NDUFAF6: variants seen among roughly 807,000 people sequenced by gnomAD.
The protein encoded by NDUFAF6 is NADH dehydrogenase (ubiquinone) complex I, assembly factor 6.
NDUFAF6 carries 45 observed loss-of-function variants against 40.8 expected under a neutral mutation model. The ratio of observed to expected loss-of-function variants is 1.10; its 90% confidence interval spans 0.87 to 1.42. The LOEUF (loss-of-function observed/expected upper bound fraction) is 1.42. Among genes scored for constraint, NDUFAF6 ranks in the 40% most tolerant of loss-of-function variants. The pLI, the probability that NDUFAF6 is intolerant of heterozygous loss-of-function variation, is 0.00. For missense variants in NDUFAF6, 435 were observed against 418.5 expected (o/e 1.04, Z -0.34); for synonymous variants, 185 against 155.9 (o/e 1.19, Z -1.39).
intron 1 of NDUFAF6, among the ~76,000 whole-genome samples, chr8:94,976,638 C>T (rs1033569241): frequency 6.6e-6 from 1 of 151,088 alleles, no homozygotes; most frequent in African/African-American, 2.4e-5. Flanking sequence ...CACACCACTG[C>T]ACTCCAACTT....
intron 2 of NDUFAF6, among the ~76,000 whole-genome samples, chr8:94,985,869 TC>T (rs1380433607): frequency 2.7e-5 from 4 of 149,236 alleles, no homozygotes; most frequent in African/African-American, 9.8e-5. Flanking sequence ...ACAATTTTTT[TC>T]TTCCTTTCTT....
chr8:95,117,193 A>G (rs979091146), downstream of NDUFAF6, among the ~76,000 whole-genome samples: 8 of 152,186 alleles, frequency 5.3e-5, no homozygotes, highest in Non-Finnish European at 1.2e-4. Flanking sequence ...GTGGGTTTGA[A>G]TGGTTATGCA....
intron 1 of NDUFAF6, among the ~76,000 whole-genome samples, chr8:94,972,150 C>T (rs1026906983): frequency 2.6e-5 from 4 of 152,222 alleles, no homozygotes; most frequent in Non-Finnish European, 5.9e-5. Context: ...TAGAAAGCTA[C>T]TTTCTGAAAA....
intron 2 of NDUFAF6, among the ~76,000 whole-genome samples, chr8:95,004,721 GAC>G (rs1346152570): frequency 6.6e-6 from 1 of 152,094 alleles, no homozygotes; most frequent in African/African-American, 2.4e-5. Context: ...TAATAACAGA[GAC>G]AAACAAAGGT....
chr8:95,075,132 A>G (rs1056169752), intron 9 of NDUFAF6, among the ~76,000 whole-genome samples: 2 of 152,220 alleles, frequency 1.3e-5, no homozygotes, highest in African/African-American at 4.8e-5. Context: ...ATGTGGGTCA[A>G]CAGACAAATG....
At chr8:94,963,855 A>G (rs11780130) in intron 1 of NDUFAF6, among the ~76,000 whole-genome samples, 19,737 of 152,262 alleles carry the variant, frequency 0.13, 1,634 homozygotes, top group Middle Eastern at 0.23. Context: ...CCTGCTTCTC[A>G]AGCAGTTAAG....
chr8:94,935,375 G>C (rs189726498), intron 1 of NDUFAF6, among the ~76,000 whole-genome samples: 2 of 152,298 alleles, frequency 1.3e-5, no homozygotes, highest in African/African-American at 4.8e-5. Flanking sequence ...AATTAACTGG[G>C]TAATGGGGTT....
intron 7 of NDUFAF6, 28 bp downstream of exon 7, chr8:95,048,586 T>C: frequency 6.8e-7 from 1 of 1,463,972 alleles, no homozygotes; most frequent in Non-Finnish European, 9.6e-7. Context: ...TGCCAAATCA[T>C]TTAGGGAATA....
At chr8:95,003,919 C>G (rs1361057777) in intron 2 of NDUFAF6, among the ~76,000 whole-genome samples, 3 of 152,214 alleles carry the variant, frequency 2.0e-5, no homozygotes, top group African/African-American at 7.2e-5. Context: ...TCCCAGCAGC[C>G]TCCTCCAAGC....
intron 2 of NDUFAF6, among the ~76,000 whole-genome samples, chr8:94,997,343 C>CACAGAGAGAG (rs1242904810): frequency 7.7e-5 from 7 of 90,572 alleles, no homozygotes; most frequent in South Asian, 9.5e-4. Context: ...CACACACACA[C>CACAGAGAGAG]AGAGAGAGAG....
chr8:94,972,166 A>G (rs535170660), intron 1 of NDUFAF6, among the ~76,000 whole-genome samples: 2 of 152,324 alleles, frequency 1.3e-5, no homozygotes, highest in African/African-American at 4.8e-5. Flanking sequence ...GAAAAGTCCA[A>G]CCAGGTTATT....
intron 9 of NDUFAF6, chr8:95,072,144 GTTTCC>G (rs948279993): frequency 6.6e-6 from 1 of 152,214 alleles, no homozygotes; most frequent in African/African-American, 2.4e-5. Flanking sequence ...TAAAATGTTA[GTTTCC>G]TTTCCTTCTG....
In NDUFAF6 at chr8:95,046,879, T is replaced by C. The variant is rs972538051; in HGVS notation, c.581-115T>C. The C allele has an allele frequency of 1.3e-5, 18 of 1,426,826 alleles. No individual in the cohort carries two copies. The African/African-American group carries it at 2.3e-4, about 18-fold the overall frequency. The allele number at this position is 1,426,826 out of a possible 1,614,324, so 88.4% of individuals were successfully genotyped here. A position where few individuals can be genotyped will look rare whatever the true frequency, so the allele number is the denominator to read the frequency against. ...TCACTCATAAATCCTGTTTTTCAGA[T>C]GTAAAACAGGATAAATGTCTCCTTT... On this transcript the variant is annotated intron_variant, in intron 5 of 8. Coordinates refer to ENST00000396124, the MANE Select transcript of NDUFAF6 (RefSeq NM_152416.4).
At chr8:94,974,714 T>C (rs1375428716) in intron 1 of NDUFAF6, 1 of 169,054 alleles carries the variant, frequency 5.9e-6, no homozygotes, top group Middle Eastern at 2.9e-3. Flanking sequence ...ATAGGAGAGA[T>C]GCTAAGGAAC....
chr8:94,944,834 G>A (rs1195598090), intron 1 of NDUFAF6, among the ~76,000 whole-genome samples: 1 of 152,106 alleles, frequency 6.6e-6, no homozygotes, highest in Non-Finnish European at 1.5e-5. Flanking sequence ...TGGGGAGACT[G>A]CGCTGAATCA....
intron 1 of NDUFAF6, among the ~76,000 whole-genome samples, chr8:94,912,301 A>G (rs1028150124): frequency 1.3e-5 from 2 of 152,238 alleles, no homozygotes; most frequent in Non-Finnish European, 2.9e-5. Flanking sequence ...AAGGTCCACT[A>G]TCATCCATCT....
At chr8:94,984,496 T>G (rs939068388) in intron 2 of NDUFAF6, among the ~76,000 whole-genome samples, 1 of 152,214 alleles carries the variant, frequency 6.6e-6, no homozygotes, top group Non-Finnish European at 1.5e-5. Context: ...CCCAATACCC[T>G]ATTATGTGAA....
intron 1 of NDUFAF6, among the ~76,000 whole-genome samples, chr8:94,896,160 G>C (rs2131139843): frequency 6.6e-6 from 1 of 152,076 alleles, no homozygotes; most frequent in Admixed American, 6.5e-5. Flanking sequence ...AGCGGGGCCC[G>C]GGAACGGCAT....
rs181203505 is a variant in NDUFAF6 at position 94,913,700 on chromosome 8, A to G, written c.-936+17773A>G. Reference sequence around the variant, plus strand: ...TGTAGTCCCAGCTACTCGGGAGGCTAAGGTGGGAAGATTGCTTGAGCCCAA... The same window carrying G: ...TGTAGTCCCAGCTACTCGGGAGGCTGAGGTGGGAAGATTGCTTGAGCCCAA... On this transcript the variant is annotated intron_variant, in intron 1 of 14. Transcript: ENST00000396113. Among the ~76,000 whole-genome samples, 13 of 152,284 alleles carry G rather than the reference A, an allele frequency of 8.5e-5. No individual in the cohort carries two copies. In the East Asian group the frequency reaches 2.5e-3, roughly 29 times the overall value.
Sources: allele counts gnomAD v4.1 joint callset (sites outside exome capture counted in the v4.1 genomes callset), GRCh38; gene constraint gnomAD v4.1.1; transcripts MANE v1.5; gene names NCBI Gene and HGNC (gene_info 2026-07-23, HGNC 2026-07-21).